Variants in HOMER1 observed in about 807,000 individuals in gnomAD.
HOMER1 encodes the protein homer scaffold protein 1.
Under a neutral mutation model 48.9 loss-of-function variants are expected in HOMER1, and 3 were observed. That is an observed-to-expected ratio of 0.06 (90% CI 0.03 to 0.16). The LOEUF (loss-of-function observed/expected upper bound fraction) is 0.16, where lower values mean the gene tolerates loss of function less well. Among genes scored for constraint, HOMER1 ranks in the 10% least tolerant of loss-of-function variants. The probability of loss-of-function intolerance (pLI) is 1.00; values close to 1 mark genes in which losing one functional copy is unlikely to be tolerated. For missense variants in HOMER1, 247 were observed against 411.4 expected (o/e 0.60, Z 3.46); for synonymous variants, 134 against 146.4 (o/e 0.92, Z 0.61).
At chr5:79,469,016 A>C (rs1008822110) in intron 1 of HOMER1, among the ~76,000 whole-genome samples, 1 of 152,348 alleles carries the variant, frequency 6.6e-6, no homozygotes, top group East Asian at 1.9e-4. Context: ...ATAGTGAAAA[A>C]GACAGAATCT....
Position 79,513,134 on chromosome 5 carries a change from T to G in HOMER1, c.-360A>C, listed in dbSNP as rs558740968. 1 of 254,972 alleles carries G rather than the reference T, an allele frequency of 3.9e-6. No individual in the cohort carries two copies. The highest frequency in any genetic ancestry group is 1.0e-4 in the East Asian group (1 of 10,032). The allele number at this position is 254,972 out of a possible 1,614,324, so 15.8% of individuals were successfully genotyped here. A position where few individuals can be genotyped will look rare whatever the true frequency, so the allele number is the denominator to read the frequency against. On this transcript the variant is annotated 5_prime_UTR_variant, in exon 1 of 9. Coordinates refer to ENST00000334082, the MANE Select transcript of HOMER1 (RefSeq NM_004272.5). ...TTCGCTGGTCATTTCACTCATGTCC[T>G]CCTCGACACTCAGGGAGAGCCAGGT...
At chr5:79,396,987 A>C in intron 7 of HOMER1, 84 bp from the exon 8 acceptor site, 1 of 707,378 alleles carries the variant, frequency 1.4e-6, no homozygotes, top group Non-Finnish European at 2.4e-6. Flanking sequence ...TTATTGTTCT[A>C]GTTCTTAGAA....
At chr5:79,483,921 G>A (rs1752020226) in intron 1 of HOMER1, among the ~76,000 whole-genome samples, 1 of 151,686 alleles carries the variant, frequency 6.6e-6, no homozygotes, top group African/African-American at 2.4e-5. Context: ...GGGTGTGGTG[G>A]TGGGTGCATG....
At chr5:79,485,326 G>A (rs1487518168) in intron 1 of HOMER1, among the ~76,000 whole-genome samples, 7 of 152,104 alleles carry the variant, frequency 4.6e-5, no homozygotes, top group Non-Finnish European at 2.9e-5. Flanking sequence ...AGTATGGGGA[G>A]GGTAAGTAGA....
intron 1 of HOMER1, among the ~76,000 whole-genome samples, chr5:79,459,355 C>T (rs1458410752): frequency 6.6e-6 from 1 of 152,188 alleles, no homozygotes; most frequent in Non-Finnish European, 1.5e-5. Context: ...TTAATCCACA[C>T]AATTTAATTC....
intron 1 of HOMER1, chr5:79,510,526 T>G: frequency 2.7e-6 from 2 of 736,260 alleles, no homozygotes; most frequent in Admixed American, 3.5e-5. Context: ...GATACGAATC[T>G]CTTAAGGGGG....
At chr5:79,407,020 T>C (rs1198102316) in intron 5 of HOMER1, among the ~76,000 whole-genome samples, 2 of 152,074 alleles carry the variant, frequency 1.3e-5, no homozygotes, top group Non-Finnish European at 2.9e-5. Context: ...TTCTTTGAGG[T>C]GTGCACACAC....
chr5:79,482,324 A>G (rs1751972068), intron 1 of HOMER1, among the ~76,000 whole-genome samples: 1 of 152,236 alleles, frequency 6.6e-6, no homozygotes, highest in Admixed American at 6.5e-5. Flanking sequence ...AATGAGCAGG[A>G]AATTCAATAA....
intron 4 of HOMER1, among the ~76,000 whole-genome samples, chr5:79,445,662 G>A (rs1470953399): frequency 6.6e-6 from 1 of 152,222 alleles, no homozygotes; most frequent in African/African-American, 2.4e-5. Context: ...GCTAACGCCT[G>A]TAATCTCAGC....
intron 5 of HOMER1, among the ~76,000 whole-genome samples, chr5:79,417,196 G>A (rs1473265744): frequency 1.3e-5 from 2 of 151,286 alleles, no homozygotes; most frequent in Admixed American, 6.6e-5. Context: ...AGGCTGGAGT[G>A]CAGTGGTGCA....
intron 1 of HOMER1, among the ~76,000 whole-genome samples, chr5:79,472,392 T>C (rs1326785062): frequency 6.6e-6 from 1 of 152,226 alleles, no homozygotes; most frequent in African/African-American, 2.4e-5. Context: ...TAAATACATA[T>C]GTAAACATTC....
At chr5:79,381,644 G>T (rs78312748) in intron 8 of HOMER1, among the ~76,000 whole-genome samples, 3,237 of 152,212 alleles carry the variant, frequency 0.021, 117 homozygotes, top group African/African-American at 0.072. Flanking sequence ...CAGAACTTTG[G>T]GAGGCTCAGG....
At chr5:79,417,820 T>C (rs925846205) in intron 5 of HOMER1, among the ~76,000 whole-genome samples, 8 of 152,170 alleles carry the variant, frequency 5.3e-5, no homozygotes, top group African/African-American at 1.7e-4. Flanking sequence ...ATACATAGTG[T>C]TGTTGGGAAA....
intron 8 of HOMER1, among the ~76,000 whole-genome samples, chr5:79,377,921 G>A (rs1748816782): frequency 6.6e-6 from 1 of 151,984 alleles, no homozygotes; most frequent in Non-Finnish European, 1.5e-5. Flanking sequence ...TTTTCACAAT[G>A]TAAAAATTAA....
intron 1 of HOMER1, among the ~76,000 whole-genome samples, chr5:79,497,812 C>T (rs557274767): frequency 4.1e-4 from 63 of 152,112 alleles, no homozygotes; most frequent in Non-Finnish European, 8.2e-4. Flanking sequence ...AAGTTTCTCA[C>T]GTTTGATTTG....
intron 8 of HOMER1, among the ~76,000 whole-genome samples, chr5:79,378,932 G>T (rs1748849592): frequency 6.7e-6 from 1 of 150,292 alleles, no homozygotes; most frequent in Non-Finnish European, 1.5e-5. Flanking sequence ...ATAACAAAAA[G>T]GACCTAATAC....
chr5:79,398,752 T>C (rs1371151358), intron 6 of HOMER1, among the ~76,000 whole-genome samples: 1 of 152,082 alleles, frequency 6.6e-6, no homozygotes, highest in Non-Finnish European at 1.5e-5. Context: ...TTCTCAACCA[T>C]CCACACTGCC....
At chr5:79,381,310 T>C (rs1748965504) in intron 8 of HOMER1, among the ~76,000 whole-genome samples, 1 of 152,172 alleles carries the variant, frequency 6.6e-6, no homozygotes, top group Non-Finnish European at 1.5e-5. Context: ...AAAGCCAAAG[T>C]GCCCTGTGCA....
At position 79,405,259 on chromosome 5, in the gene HOMER1, G is replaced by A. The variant is rs1749634683; in HGVS notation, c.528-3204C>T. On this transcript the variant is annotated intron_variant, in intron 5 of 8. Transcript: ENST00000334082. ...AGACGACAGCCATCTACAAGACGAGGAGAGAGGCCTCGGAAGAAATGACCC... is the reference window on the plus strand; with the variant it reads ...AGACGACAGCCATCTACAAGACGAGAAGAGAGGCCTCGGAAGAAATGACCC... 3.3e-5 allele frequency among the ~76,000 whole-genome samples: 5 copies of A among 152,140 alleles called. No homozygotes were observed. The South Asian group carries it at 1.0e-3, about 32-fold the overall frequency.
Sources: gnomAD v4.1 joint callset for allele counts (sites outside exome capture counted in the v4.1 genomes callset) on GRCh38, gnomAD v4.1.1 for gene constraint, MANE v1.5 for transcripts, NCBI Gene and HGNC (gene_info 2026-07-23, HGNC 2026-07-21) for gene names.